The following FOLH1 variants were observed in gnomAD, a reference collection of about 807,000 sequenced individuals.
FOLH1 encodes the protein folate hydrolase 1, also known as glutamate carboxypeptidase 2.
Under a neutral mutation model 93.9 loss-of-function variants are expected in FOLH1, and 54 were observed. The observed-to-expected ratio is 0.57, with a 90% CI of 0.46 to 0.72. FOLH1 has a LOEUF of 0.72. Among genes scored for constraint, FOLH1 ranks in the 30% least tolerant of loss-of-function variants. The probability of loss-of-function intolerance (pLI) is 0.00; values close to 1 mark genes in which losing one functional copy is unlikely to be tolerated. For synonymous variants in FOLH1, 249 were observed against 303.6 expected (o/e 0.82, Z 1.87); for missense variants, 571 against 892.5 (o/e 0.64, Z 4.59).
chr11:49,177,845 C>A (rs1454815305), intron 7 of FOLH1, among the ~76,000 whole-genome samples: 1 of 150,462 alleles, frequency 6.6e-6, no homozygotes, highest in Non-Finnish European at 1.5e-5. Flanking sequence ...TGCCTGTAAT[C>A]CCAGCTATTT....
At position 49,146,919 on chromosome 11, in the gene FOLH1, T is replaced by C. The variant is rs112972107; in HGVS notation, c.2090A>G (p.His697Arg). The change falls in exon 19 of 19, where the codon CAC becomes CGC. Residue 697 changes from histidine to arginine, a missense_variant. Physicochemically the swap from His to Arg is conservative, Grantham distance 29. Around this residue, in one of 2 missense-constraint regions of FOLH1, gnomAD observed 500 missense variants for 822.9 expected, o/e 0.61. Coordinates refer to ENST00000256999, the MANE Select transcript of FOLH1 (RefSeq NM_004476.3). The part of the protein sequence containing the change: ...YRHVIYAPSS[H>R]NKYAGESFPG... ...GAATGACTCCCCTGCATACTTGTTG[T>C]GGCTGCTTGGAGCATAGATGACATG... 1 of 1,612,550 alleles carries C rather than the reference T, an allele frequency of 6.2e-7. No individual in the cohort carries two copies. Among genetic ancestry groups the C allele is most frequent in the Non-Finnish European group, 8.5e-7 (1 of 1,179,234 alleles).
chr11:49,169,260 T>C lies in FOLH1; in HGVS notation c.1309-2A>G. ...CTCTTGAAGGAGTCTTGAATTCTCC[T>C]ATAATAAAAAGGAAAACTATAAATA... On this transcript the variant is annotated splice_acceptor_variant, in intron 11 of 18. Coordinates refer to ENST00000256999, the MANE Select transcript of FOLH1 (RefSeq NM_004476.3). LOFTEE classifies it high-confidence loss of function. 1 of 1,612,740 alleles carries C rather than the reference T, an allele frequency of 6.2e-7. No homozygotes were observed. The highest frequency in any genetic ancestry group is 8.5e-7 in the Non-Finnish European group (1 of 1,179,030).
chr11:49,206,699 T>C, intron 1 of FOLH1: 4 of 1,377,226 alleles, frequency 2.9e-6, no homozygotes, highest in Non-Finnish European at 4.0e-6. Context: ...TAAAACAAAA[T>C]GCTGTGAGAG....
chr11:49,189,930 T>C (rs1025314601), intron 4 of FOLH1, among the ~76,000 whole-genome samples: 1 of 151,400 alleles, frequency 6.6e-6, no homozygotes, highest in African/African-American at 2.4e-5. Context: ...GACATTTGAA[T>C]CTTTGCCTCT....
Position 49,185,797 on chromosome 11 carries a change from T to C in FOLH1, c.698A>G (p.Asp233Gly). The C allele has an allele frequency of 2.5e-6, 4 of 1,606,588 alleles. No individual in the cohort carries two copies. Among genetic ancestry groups the C allele is most frequent in the Non-Finnish European group, 3.4e-6 (4 of 1,177,390 alleles). The change falls in exon 6 of 19, where the codon GAC becomes GGC. Residue 233 changes from aspartate to glycine, a missense_variant. Coordinates refer to ENST00000256999, the MANE Select transcript of FOLH1 (RefSeq NM_004476.3). The part of the protein sequence containing the change: ...KGVILYSDPA[D>G]YFAPGVKSYP... ...GGACTTCACCCCAGGAGCAAAGTAG[T>C]CAGCAGGGTCGGAGTAGAGAATGAC...
At chr11:49,165,324 A>G (rs1858256585) in intron 12 of FOLH1, among the ~76,000 whole-genome samples, 1 of 152,206 alleles carries the variant, frequency 6.6e-6, no homozygotes, top group Admixed American at 6.5e-5. Context: ...GTTTGCTGCC[A>G]TACCCCAAGT....
chr11:49,175,381 C>T (rs1185781746), intron 8 of FOLH1, among the ~76,000 whole-genome samples: 1 of 152,104 alleles, frequency 6.6e-6, no homozygotes. Context: ...AAAGCCTGTG[C>T]AGATAAAGTG....
intron 12 of FOLH1, among the ~76,000 whole-genome samples, chr11:49,166,213 G>C (rs988833879): frequency 6.6e-6 from 1 of 152,182 alleles, no homozygotes; most frequent in African/African-American, 2.4e-5. Flanking sequence ...AAAAAGGCAA[G>C]TTGTAGAAGC....
intron 7 of FOLH1, among the ~76,000 whole-genome samples, chr11:49,180,774 T>A (rs1171410699): frequency 6.6e-6 from 1 of 152,232 alleles, no homozygotes; most frequent in Non-Finnish European, 1.5e-5. Context: ...ATGGACTGTT[T>A]CATTATGGCT....
chr11:49,176,110 A>C (rs1859999723), intron 7 of FOLH1, 153 bp from the exon 8 acceptor site: 1 of 731,446 alleles, frequency 1.4e-6, no homozygotes, highest in Non-Finnish European at 2.2e-6. Context: ...ACCTTACCAT[A>C]ATTCTGAGGA....
intron 11 of FOLH1, among the ~76,000 whole-genome samples, chr11:49,170,047 A>G (rs934878903): frequency 1.4e-5 from 2 of 139,290 alleles, no homozygotes; most frequent in Non-Finnish European, 1.5e-5. Context: ...TTTTTTTCAA[A>G]GAAAATTAAA....
chr11:49,154,278 C>G lies in FOLH1; in HGVS notation c.1838G>C (p.Ser613Thr). Residue 613 changes from serine (S) to threonine (T), a missense_variant, in exon 16 of 19, where the codon AGT becomes ACT. Around this residue, in one of 2 missense-constraint regions of FOLH1, gnomAD observed 500 missense variants for 822.9 expected, o/e 0.61. Transcript: ENST00000256999. Reference sequence around the variant, plus strand: ...TTCCTGTGGATGTTTCATAGAAATACTGTAGATTTTGTCAGCATACTTTCT... The same window carrying G: ...TTCCTGTGGATGTTTCATAGAAATAGTGTAGATTTTGTCAGCATACTTTCT... The part of the protein sequence containing the change: ...VLRKYADKIY[S>T]ISMKHPQEMK... 1 of 1,613,432 alleles carries G rather than the reference C, an allele frequency of 6.2e-7. No individual in the cohort carries two copies. The highest frequency in any genetic ancestry group is 1.1e-5 in the South Asian group (1 of 91,072).
In FOLH1 at chr11:49,206,185, T is replaced by A; in HGVS notation, c.119-13A>T. The A allele has an allele frequency of 6.2e-7, 1 of 1,610,616 alleles. No homozygotes were observed. Among genetic ancestry groups the A allele is most frequent in the Admixed American group, 1.7e-5 (1 of 59,588 alleles). ...TTTATAAACCACCCTGAAAAATACA[T>A]CCAAAAATAGGCATGAGATACGAGC... On this transcript the variant is annotated splice_polypyrimidine_tract_variant and intron_variant, in intron 1 of 18. Coordinates refer to ENST00000256999, the MANE Select transcript of FOLH1 (RefSeq NM_004476.3).
intron 3 of FOLH1, 97 bp downstream of exon 3, chr11:49,200,158 A>G: frequency 8.9e-7 from 1 of 1,117,564 alleles, no homozygotes; most frequent in South Asian, 1.9e-5. Flanking sequence ...GATTTCTATT[A>G]ATATTTAGAG....
intron 2 of FOLH1, among the ~76,000 whole-genome samples, chr11:49,203,763 G>C (rs1863526533): frequency 6.6e-6 from 1 of 152,154 alleles, no homozygotes; most frequent in South Asian, 2.1e-4. Context: ...TTCTTTGTTG[G>C]TCAATCTATG....
Position 49,208,436 on chromosome 11 carries a change from G to T in FOLH1, c.-27C>A, listed in dbSNP as rs1590727741. The T allele has an allele frequency of 2.0e-6, 3 of 1,528,556 alleles. No individual in the cohort carries two copies. Among genetic ancestry groups the T allele is most frequent in the African/African-American group, 1.4e-5 (1 of 72,764 alleles). The allele number at this position is 1,528,556 out of a possible 1,614,324, so 94.7% of individuals were successfully genotyped here. On this transcript the variant is annotated 5_prime_UTR_variant, in exon 1 of 19. Transcript: ENST00000256999. Reference sequence around the variant, plus strand: ...TCGGCGCGAGCAGAGCCGGCCTCCCGGGACCCGCGCCTGTGCTGCTGCTCT... The same window carrying T: ...TCGGCGCGAGCAGAGCCGGCCTCCCTGGACCCGCGCCTGTGCTGCTGCTCT...
intron 9 of FOLH1, among the ~76,000 whole-genome samples, chr11:49,174,005 T>G (rs995256784): frequency 2.0e-5 from 3 of 152,188 alleles, no homozygotes; most frequent in Non-Finnish European, 4.4e-5. Flanking sequence ...TTTCTTTGCC[T>G]ACCCAGCTCT....
intron 11 of FOLH1, among the ~76,000 whole-genome samples, chr11:49,169,728 A>G (rs1263508092): frequency 6.6e-6 from 1 of 152,186 alleles, no homozygotes; most frequent in Non-Finnish European, 1.5e-5. Context: ...GTGAACTTAA[A>G]TCATCTCCTG....
intron 11 of FOLH1, 47 bp from the exon 12 acceptor site, chr11:49,169,305 C>T: frequency 6.4e-7 from 1 of 1,553,458 alleles, no homozygotes; most frequent in Non-Finnish European, 8.8e-7. Context: ...AACCCACTCC[C>T]CCTCCCCCAC....
Sources: allele counts gnomAD v4.1 joint callset (sites outside exome capture counted in the v4.1 genomes callset), GRCh38; gene constraint gnomAD v4.1.1; regional missense constraint gnomAD v4.1.1; transcripts MANE v1.5; gene names NCBI Gene and HGNC (gene_info 2026-07-23, HGNC 2026-07-21).